Variants in SUPT20H observed in about 807,000 individuals in gnomAD.
SUPT20H encodes the protein transcription factor SPT20 homolog.
SUPT20H carries 82 observed loss-of-function variants against 122.8 expected under a neutral mutation model. That is an observed-to-expected ratio of 0.67 (90% confidence interval 0.56 to 0.80). The LOEUF (loss-of-function observed/expected upper bound fraction) is 0.80. SUPT20H is among the 30% of genes least tolerant of loss of function. The pLI is 0.00. For synonymous variants in SUPT20H, 291 were observed against 313.0 expected, an observed-to-expected ratio of 0.93 and a Z score of 0.74; for missense variants, 831 against 921.6, an observed-to-expected ratio of 0.90 and a Z score of 1.27.
rs1233488133 is a variant in SUPT20H at position 37,010,610 on chromosome 13, A to T, written c.2144T>A (p.Leu715His). 3 of 1,613,780 alleles carry T rather than the reference A, an allele frequency of 1.9e-6. No homozygotes were observed. The African/African-American group carries it at 4.0e-5, about 22-fold the overall frequency. Residue 715 changes from leucine to histidine, a missense_variant, in exon 25 of 26, where the codon CTT becomes CAT. By Grantham distance (99) the Leu-to-His change is moderately conservative. Transcript: ENST00000350612. The stretch of plus-strand genomic sequence containing the variant: ...GGAGAGCTGGAATCTCTGCTGAGGA[A>T]GGCTTTGCTCAGGTCTGTTCTCGGC... The part of the protein sequence containing the change: ...GSAENRPEQS[L>H]PQQRFQLSSA...
At chr13:37,010,133 A>G (rs1292318933) in intron 25 of SUPT20H, among the ~76,000 whole-genome samples, 1 of 152,250 alleles carries the variant, frequency 6.6e-6, no homozygotes, top group East Asian at 1.9e-4. Context: ...AACCCTGAAT[A>G]TCAAGATAGT....
intron 2 of SUPT20H, among the ~76,000 whole-genome samples, chr13:37,049,949 T>C (rs1594517037): frequency 1.3e-5 from 2 of 152,032 alleles, no homozygotes; most frequent in Non-Finnish European, 2.9e-5. Flanking sequence ...ACCTACCAAA[T>C]TGCATGTGGG....
At chr13:37,041,998 CAT>C (rs2065554775) in intron 7 of SUPT20H, among the ~76,000 whole-genome samples, 1 of 152,122 alleles carries the variant, frequency 6.6e-6, no homozygotes, top group Non-Finnish European at 1.5e-5. Flanking sequence ...GAGGGAATAA[CAT>C]ATGAGAAGTT....
chr13:37,018,082 A>C (rs552688008), intron 22 of SUPT20H, among the ~76,000 whole-genome samples: 1 of 152,260 alleles, frequency 6.6e-6, no homozygotes, highest in South Asian at 2.1e-4. Context: ...AGACAATACC[A>C]AATACAGAAC....
rs1370402709 is a variant in SUPT20H, at chr13:37,024,267, A to G, written c.1432+73T>C. 2.6e-6 allele frequency: 4 copies of G among 1,521,422 alleles called. No homozygotes were observed. In the East Asian group the frequency reaches 9.2e-5, roughly 35 times the overall value. 94.2% of individuals were successfully genotyped at this position (1,521,422 alleles called of 1,614,324 possible). A position where few individuals can be genotyped will look rare whatever the true frequency, so the allele number is the denominator to read the frequency against. Reference sequence around the variant, plus strand: ...TGAACTGTAGAAATCAAAATGGGGCAAAGTTTTAAAAAGAGATTATGATTA... The same window carrying G: ...TGAACTGTAGAAATCAAAATGGGGCGAAGTTTTAAAAAGAGATTATGATTA... On this transcript the variant is annotated intron_variant, in intron 18 of 25. Coordinates refer to ENST00000350612, the MANE Select transcript of SUPT20H (RefSeq NM_001014286.3).
At position 37,022,065 on chromosome 13, in the gene SUPT20H, T is replaced by G; in HGVS notation, c.1607A>C (p.Gln536Pro). 2 of 1,613,902 alleles carry G rather than the reference T, an allele frequency of 1.2e-6. No individual in the cohort carries two copies. The highest frequency in any genetic ancestry group is 8.5e-7 in the Non-Finnish European group (1 of 1,179,852). Residue 536 changes from glutamine to proline, a missense_variant, in exon 20 of 26, where the codon CAG becomes CCG. Gln to Pro is a moderately conservative substitution (Grantham distance 76, BLOSUM62 -1). Transcript: ENST00000350612. This position sits in a 1 kb window ranked among gnomAD's most constrained non-coding sequence, Gnocchi z 4.5. ...AAGTCCAGCAGAGTTTGCCATGACC[T>G]GGGTGGCCGTGGTTCCTGGAGTTAT... Reference protein sequence around the residue: ...ASSSQRTTATQVMANSAGLNF... With the variant: ...ASSSQRTTATPVMANSAGLNF...
chr13:37,050,347 CAAAAAA>C (rs61668901), intron 2 of SUPT20H, among the ~76,000 whole-genome samples: 12 of 76,998 alleles, frequency 1.6e-4, no homozygotes, highest in Admixed American at 6.3e-4. Flanking sequence ...CTGTCACTAC[CAAAAAA>C]AAAAAAAAAA....
At position 37,025,473 on chromosome 13, in the gene SUPT20H, A is replaced by G. The variant is rs140904714; in HGVS notation, c.1212-36T>C. On this transcript the variant is annotated intron_variant, in intron 16 of 25. Coordinates refer to ENST00000350612, the MANE Select transcript of SUPT20H (RefSeq NM_001014286.3). ...AGGAGAAAACAGGTAAAGATTAGAAAACCTGTTTTAAACACAAATTTATTT... is the reference window on the plus strand; with the variant it reads ...AGGAGAAAACAGGTAAAGATTAGAAGACCTGTTTTAAACACAAATTTATTT... 38 of 1,439,680 alleles carry G rather than the reference A, an allele frequency of 2.6e-5. No individual in the cohort carries two copies. In the East Asian group the frequency reaches 6.2e-4, roughly 23 times the overall value. The allele number at this position is 1,439,680 out of a possible 1,614,324, so 89.2% of individuals were successfully genotyped here. A position where few individuals can be genotyped will look rare whatever the true frequency, so the allele number is the denominator to read the frequency against.
In SUPT20H at chr13:37,044,075, T is replaced by C. The variant is rs1331901476; in HGVS notation, c.396+3A>G. The C allele has an allele frequency of 1.2e-6, 2 of 1,604,338 alleles. No homozygotes were observed. Among genetic ancestry groups the C allele is most frequent in the African/African-American group, 1.3e-5 (1 of 74,440 alleles). On this transcript the variant is annotated splice_donor_region_variant and intron_variant, in intron 7 of 25. Transcript: ENST00000350612. The stretch of plus-strand genomic sequence containing the variant: ...AGACATTTTAAAGACAAAAATTTTG[T>C]ACCTGAGATTTTTCTAGGAGATCAA...
At chr13:37,024,499 G>T in intron 17 of SUPT20H, 57 bp from the exon 18 acceptor site, 1 of 1,115,870 alleles carries the variant, frequency 9.0e-7, no homozygotes, top group Non-Finnish European at 1.2e-6. Flanking sequence ...ATAAACCCCA[G>T]ATGATATTTA....
intron 7 of SUPT20H, among the ~76,000 whole-genome samples, chr13:37,042,958 C>A (rs1331759745): frequency 6.6e-6 from 1 of 152,142 alleles, no homozygotes; most frequent in Non-Finnish European, 1.5e-5. Flanking sequence ...CAGCCCTAAT[C>A]AAAAAACCTG....
At chr13:37,038,422 T>G (rs981320303) in intron 9 of SUPT20H, 2 of 152,230 alleles carry the variant, frequency 1.3e-5, no homozygotes, top group African/African-American at 2.4e-5. Context: ...AGTAAGAATC[T>G]GATGCCCTAG....
At chr13:37,023,120 CAGT>C (rs1461841809) in intron 19 of SUPT20H, 8 of 1,192,492 alleles carry the variant, frequency 6.7e-6, no homozygotes, top group East Asian at 1.1e-4. Context: ...CAACTGTGTG[CAGT>C]AGATTACCAT....
chr13:37,054,353 G>C (rs1228844492), intron 1 of SUPT20H, among the ~76,000 whole-genome samples: 1 of 152,092 alleles, frequency 6.6e-6, no homozygotes, highest in Non-Finnish European at 1.5e-5. Context: ...GATGAACATC[G>C]ATGCAAAAAT....
chr13:37,026,765 T>C (rs1158099511), intron 15 of SUPT20H, 25 bp downstream of exon 15: 2 of 1,300,756 alleles, frequency 1.5e-6, no homozygotes, highest in East Asian at 2.7e-5. Context: ...TCTTAACAGA[T>C]TAAAATAGTT....
intron 7 of SUPT20H, 123 bp downstream of exon 7, chr13:37,043,955 T>C: frequency 3.5e-6 from 2 of 567,590 alleles, no homozygotes; most frequent in Non-Finnish European, 3.0e-6. Context: ...TTAAATATCA[T>C]CTGTCATGAA....
At chr13:37,027,742 T>C (rs1404634922) in intron 14 of SUPT20H, among the ~76,000 whole-genome samples, 1 of 152,126 alleles carries the variant, frequency 6.6e-6, no homozygotes, top group Non-Finnish European at 1.5e-5. Flanking sequence ...ACAATAAGCA[T>C]TGAGTCTGTG....
chr13:37,045,635 TAAATATAAA>T (rs1197764564), intron 5 of SUPT20H, among the ~76,000 whole-genome samples: 3 of 152,126 alleles, frequency 2.0e-5, no homozygotes, highest in Non-Finnish European at 4.4e-5. Flanking sequence ...TAAAAGCACT[TAAATATAAA>T]ACAAGTACTT....
At chr13:37,025,513 A>G (rs2062098113) in intron 16 of SUPT20H, 76 bp from the exon 17 acceptor site, 2 of 916,078 alleles carry the variant, frequency 2.2e-6, no homozygotes, top group Non-Finnish European at 3.4e-6. Context: ...GGAAAGAATA[A>G]TGACTATTAA....
Sources: allele counts gnomAD v4.1 joint callset (sites outside exome capture counted in the v4.1 genomes callset), GRCh38; gene constraint gnomAD v4.1.1; non-coding constraint Gnocchi (gnomAD v3.1); transcripts MANE v1.5; gene names NCBI Gene and HGNC (gene_info 2026-07-23, HGNC 2026-07-21).